Variants in STXBP4 observed in about 807,000 individuals in gnomAD.
STXBP4 encodes syntaxin binding protein 4, also known as syntaxin-binding protein 4.
STXBP4 carries 55 observed loss-of-function variants against 76.1 expected under a neutral mutation model. That is an observed-to-expected ratio of 0.72 (90% CI 0.58 to 0.91). The LOEUF is 0.91. Among genes scored for constraint, STXBP4 ranks in the 40% least tolerant of loss-of-function variants. The pLI is 0.00. For missense variants in STXBP4, 618 were observed against 636.9 expected (o/e 0.97, Z 0.32); for synonymous variants, 201 against 220.2 (o/e 0.91, Z 0.77).
the STXBP4 span, among the ~76,000 whole-genome samples, chr17:55,212,324 A>T: frequency 2.6e-5 from 4 of 152,174 alleles, no homozygotes; most frequent in Non-Finnish European, 4.4e-5. Context: ...GCACTCAATA[A>T]ATACTTATCT....
At chr17:55,207,416 G>A in the STXBP4 span, among the ~76,000 whole-genome samples, 2 of 152,052 alleles carry the variant, frequency 1.3e-5, no homozygotes, top group African/African-American at 4.8e-5. Flanking sequence ...GCAGGTATTC[G>A]GCCAAGGAAT....
chr17:55,055,735 C>T (rs1010026235), intron 12 of STXBP4, among the ~76,000 whole-genome samples: 20 of 152,200 alleles, frequency 1.3e-4, no homozygotes, highest in African/African-American at 4.3e-4. Context: ...ACACTTCTCC[C>T]CTCCACCCCT....
intron 16 of STXBP4, among the ~76,000 whole-genome samples, chr17:55,139,189 A>G (rs1368736755): frequency 6.6e-6 from 1 of 152,164 alleles, no homozygotes; most frequent in Non-Finnish European, 1.5e-5. Flanking sequence ...GTAAGGAAAT[A>G]ATCAAGGCAG....
chr17:55,023,313 A>G (rs1330262719), intron 8 of STXBP4, among the ~76,000 whole-genome samples: 1 of 152,244 alleles, frequency 6.6e-6, no homozygotes, highest in Non-Finnish European at 1.5e-5. Flanking sequence ...GGGAACCAGA[A>G]GTGTTTGAAA....
chr17:55,159,876 G>T lies in STXBP4; in HGVS notation c.1627G>T (p.Asp543Tyr). 6.2e-7 allele frequency: 1 copy of T among 1,613,930 alleles called. No homozygotes were observed. Among genetic ancestry groups the T allele is most frequent in the South Asian group, 1.1e-5 (1 of 91,062 alleles). ...NLSRSEENEE[D>Y]CSRELPNQKS is the part of the protein sequence containing the mutation. The stretch of plus-strand genomic sequence containing the variant: ...ATCTCGCTCAGAGGAGAATGAAGAG[G>T]ATTGCTCTAGAGAACTCCCCAACCA... Residue 543 changes from aspartate to tyrosine, a missense_variant, in exon 18 of 18, where the codon GAT becomes TAT. Physicochemically the swap from Asp to Tyr is radical, Grantham distance 160. Coordinates refer to ENST00000376352, the MANE Select transcript of STXBP4 (RefSeq NM_178509.6).
At chr17:55,124,900 G>A (rs959925108) in intron 16 of STXBP4, among the ~76,000 whole-genome samples, 1 of 152,194 alleles carries the variant, frequency 6.6e-6, no homozygotes, top group Non-Finnish European at 1.5e-5. Flanking sequence ...TGCACACAGA[G>A]GAGGGGTGGG....
intron 16 of STXBP4, among the ~76,000 whole-genome samples, chr17:55,101,361 G>T: frequency 6.6e-6 from 1 of 152,090 alleles, no homozygotes; most frequent in East Asian, 1.9e-4. Flanking sequence ...AAAGAAATTT[G>T]GGGGAATTAG....
chr17:55,121,820 T>C (rs963553649), intron 16 of STXBP4, among the ~76,000 whole-genome samples: 7 of 152,004 alleles, frequency 4.6e-5, no homozygotes, highest in Non-Finnish European at 8.8e-5. Flanking sequence ...TAAGGACAGA[T>C]GGAGCTGGGA....
At chr17:55,135,395 A>ATTGT (rs1385323269) in intron 16 of STXBP4, among the ~76,000 whole-genome samples, 6 of 152,160 alleles carry the variant, frequency 3.9e-5, no homozygotes, top group East Asian at 3.8e-4. Flanking sequence ...AATGATGTAT[A>ATTGT]TAACCAGGTG....
intron 17 of STXBP4, among the ~76,000 whole-genome samples, chr17:55,152,065 A>G (rs917817434): frequency 6.6e-6 from 1 of 152,194 alleles, no homozygotes; most frequent in Non-Finnish European, 1.5e-5. Context: ...ATAATTTAGG[A>G]CAGTACACTG....
At chr17:55,201,411 AGAG>A in the STXBP4 span, among the ~76,000 whole-genome samples, 28 of 151,446 alleles carry the variant, frequency 1.8e-4, no homozygotes, top group African/African-American at 6.8e-4. Context: ...AAAGCAGGGG[AGAG>A]GAGGGGAGGG....
intron 16 of STXBP4, among the ~76,000 whole-genome samples, chr17:55,101,778 G>A (rs781439634): frequency 8.5e-5 from 13 of 152,130 alleles, no homozygotes; most frequent in Non-Finnish European, 1.3e-4. Flanking sequence ...AAAACCTAAT[G>A]TGAATTCTGA....
At chr17:54,969,977 T>G (rs914165680) in intron 1 of STXBP4, among the ~76,000 whole-genome samples, 1 of 152,182 alleles carries the variant, frequency 6.6e-6, no homozygotes, top group Non-Finnish European at 1.5e-5. Flanking sequence ...GAAGCGGTAG[T>G]AAAGTAAGGA....
intron 16 of STXBP4, among the ~76,000 whole-genome samples, chr17:55,114,208 T>C (rs747568671): frequency 1.3e-5 from 2 of 152,104 alleles, no homozygotes; most frequent in Non-Finnish European, 2.9e-5. Context: ...TTTGCAAATA[T>C]TGTTTACAAA....
chr17:55,073,920 C>T (rs975339418), intron 13 of STXBP4, among the ~76,000 whole-genome samples: 14 of 152,094 alleles, frequency 9.2e-5, no homozygotes, highest in East Asian at 3.8e-4. Context: ...TGAGCCACCA[C>T]GCCTGGACAG....
chr17:55,008,248 A>C (rs1042057485), intron 8 of STXBP4, among the ~76,000 whole-genome samples: 12 of 152,150 alleles, frequency 7.9e-5, no homozygotes, highest in African/African-American at 2.9e-4. Context: ...TACTGCTGAA[A>C]GACCACAAAC....
intron 17 of STXBP4, among the ~76,000 whole-genome samples, chr17:55,152,337 A>G (rs1344565644): frequency 2.0e-5 from 3 of 152,190 alleles, no homozygotes; most frequent in African/African-American, 7.2e-5. Context: ...TACATGATGT[A>G]AAAAATATGA....
At chr17:54,983,861 A>C (rs554934610) in intron 1 of STXBP4, among the ~76,000 whole-genome samples, 84 of 152,316 alleles carry the variant, frequency 5.5e-4, no homozygotes, top group Admixed American at 3.7e-3. Flanking sequence ...TCTTGTGGAC[A>C]GCTGCAGTGG....
Position 55,171,131 on chromosome 17 carries a change from T to G in STXBP4, c.*11220T>G, listed in dbSNP as rs1352025710. ...GGATTTTAGCAGAGTTGATGCATCA[T>G]TAGGATTTTCACATTAACTCTTTGG... On this transcript the variant is annotated 3_prime_UTR_variant, in exon 18 of 18. Transcript: ENST00000376352. The G allele has an allele frequency of 1.1e-4, 17 of 152,230 alleles. No individual in the cohort carries two copies. Among genetic ancestry groups the G allele is most frequent in the Admixed American group, 1.1e-3 (17 of 15,286 alleles). 9.4% of individuals were successfully genotyped at this position (152,230 alleles called of 1,614,324 possible).
Sources: allele counts gnomAD v4.1 joint callset (sites outside exome capture counted in the v4.1 genomes callset), GRCh38; gene constraint gnomAD v4.1.1; transcripts MANE v1.5; gene names NCBI Gene and HGNC (gene_info 2026-07-23, HGNC 2026-07-21).